MAP4K3: variants seen among roughly 807,000 people sequenced by gnomAD.
MAP4K3 encodes mitogen-activated protein kinase kinase kinase kinase 3, also known as MAPK/ERK kinase kinase kinase 3.
A neutral mutation model predicts 143.5 loss-of-function variants in MAP4K3; 94 were observed. The ratio of observed to expected loss-of-function variants is 0.65; its 90% CI spans 0.55 to 0.78. MAP4K3 has a LOEUF of 0.78. MAP4K3 is among the 30% of genes least tolerant of loss of function. The probability of loss-of-function intolerance (pLI) is 0.00; values close to 1 mark genes in which losing one functional copy is unlikely to be tolerated. For missense variants in MAP4K3, 1,077 were observed against 1,068.1 expected (o/e 1.01, Z -0.12); for synonymous variants, 416 against 347.2 (o/e 1.20, Z -2.20).
At chr2:39,399,502 G>T (rs1395519056) in intron 1 of MAP4K3, among the ~76,000 whole-genome samples, 1 of 152,158 alleles carries the variant, frequency 6.6e-6, no homozygotes, top group East Asian at 1.9e-4. Flanking sequence ...CCATCTTTGA[G>T]GTGACCTGGA....
At chr2:39,327,136 C>T (rs1477653369) in intron 8 of MAP4K3, among the ~76,000 whole-genome samples, 2 of 152,112 alleles carry the variant, frequency 1.3e-5, no homozygotes, top group South Asian at 2.1e-4. Context: ...AAATAATATT[C>T]GTAATAAGCA....
chr2:39,336,036 G>T (rs925190520), intron 6 of MAP4K3, among the ~76,000 whole-genome samples: 3 of 151,956 alleles, frequency 2.0e-5, no homozygotes, highest in African/African-American at 7.2e-5. Context: ...AAAAATAAGT[G>T]AAAGAAAAAA....
chr2:39,332,221 T>A (rs1022185623), intron 7 of MAP4K3, among the ~76,000 whole-genome samples: 7 of 151,870 alleles, frequency 4.6e-5, no homozygotes, highest in Non-Finnish European at 8.8e-5. Flanking sequence ...CCCACATAAA[T>A]CAAATAACAA....
intron 1 of MAP4K3, among the ~76,000 whole-genome samples, chr2:39,389,620 T>C (rs372554876): frequency 1.3e-5 from 2 of 152,140 alleles, no homozygotes; most frequent in East Asian, 1.9e-4. Context: ...AGAAAGACTG[T>C]AGAAAATGCA....
intron 1 of MAP4K3, among the ~76,000 whole-genome samples, chr2:39,432,325 G>A (rs1026628993): frequency 6.6e-6 from 1 of 152,166 alleles, no homozygotes; most frequent in Admixed American, 6.6e-5. Flanking sequence ...ATCAAAGTCA[G>A]AAAACCTGTT....
At position 39,394,969 on chromosome 2, in the gene MAP4K3, T is replaced by A. The variant is rs184084556; in HGVS notation, c.97-16846A>T. Among the ~76,000 whole-genome samples, 27 of 152,290 alleles carry A rather than the reference T, an allele frequency of 1.8e-4. No individual in the cohort carries two copies. The East Asian group carries it at 4.0e-3, about 23-fold the overall frequency. ...TCTTCCAGAAATAGGAAAATCACAA[T>A]GTAACTCTTAACATCTGAAACAAAA... On this transcript the variant is annotated intron_variant, in intron 1 of 33. Transcript: ENST00000263881.
intron 3 of MAP4K3, 36 bp downstream of exon 3, chr2:39,356,213 C>A: frequency 6.3e-6 from 8 of 1,265,802 alleles, no homozygotes; most frequent in Non-Finnish European, 9.0e-6. Context: ...GTGATGAAAT[C>A]ATTATTGCTT....
chr2:39,253,345 G>A (rs541908836), intron 32 of MAP4K3, among the ~76,000 whole-genome samples: 8 of 152,270 alleles, frequency 5.3e-5, no homozygotes, highest in African/African-American at 1.7e-4. Flanking sequence ...TGTTGGCCAG[G>A]CTGGTTTTGA....
intron 1 of MAP4K3, among the ~76,000 whole-genome samples, chr2:39,395,808 C>T (rs1486296803): frequency 6.6e-6 from 1 of 152,100 alleles, no homozygotes; most frequent in African/African-American, 2.4e-5. Context: ...TTCTTTCCAT[C>T]TGTTTAGTTA....
chr2:39,335,950 T>C (rs907619133), intron 6 of MAP4K3, among the ~76,000 whole-genome samples: 9 of 152,052 alleles, frequency 5.9e-5, no homozygotes, highest in Admixed American at 4.6e-4. Context: ...GTTAAAAATC[T>C]TTATGTTAGA....
intron 1 of MAP4K3, among the ~76,000 whole-genome samples, chr2:39,436,350 T>C (rs1572525141): frequency 6.8e-6 from 1 of 147,390 alleles, no homozygotes; most frequent in Non-Finnish European, 1.5e-5. Context: ...CTCTGGAAAA[T>C]TAAAAGAAAC....
chr2:39,333,928 T>C (rs1683768331), intron 6 of MAP4K3, among the ~76,000 whole-genome samples: 1 of 151,816 alleles, frequency 6.6e-6, no homozygotes. Flanking sequence ...ACTGTTTACA[T>C]TACACTTTAA....
chr2:39,388,888 C>A (rs2373532), intron 1 of MAP4K3, among the ~76,000 whole-genome samples: 135,505 of 152,178 alleles, frequency 0.89, 61,071 homozygotes, highest in Non-Finnish European at 0.95. Flanking sequence ...CAGGAAATTA[C>A]CACATAATAT....
chr2:39,372,137 A>G (rs1433900173), intron 2 of MAP4K3, among the ~76,000 whole-genome samples: 3 of 151,830 alleles, frequency 2.0e-5, no homozygotes, highest in African/African-American at 7.2e-5. Flanking sequence ...TTTGTATGCC[A>G]AAAGTGAACA....
At chr2:39,402,934 A>T (rs569126876) in intron 1 of MAP4K3, among the ~76,000 whole-genome samples, 1 of 152,324 alleles carries the variant, frequency 6.6e-6, no homozygotes, top group African/African-American at 2.4e-5. Flanking sequence ...ATTTTATGCC[A>T]TTAAATTTCA....
intron 24 of MAP4K3, among the ~76,000 whole-genome samples, chr2:39,275,229 G>A (rs1681198121): frequency 6.6e-6 from 1 of 152,210 alleles, no homozygotes; most frequent in Non-Finnish European, 1.5e-5. Flanking sequence ...ACTCACACCT[G>A]TAATCCCAGC....
At chr2:39,425,402 C>T (rs1193201021) in intron 1 of MAP4K3, among the ~76,000 whole-genome samples, 4 of 152,192 alleles carry the variant, frequency 2.6e-5, no homozygotes, top group African/African-American at 9.7e-5. Flanking sequence ...ACGGACTGAA[C>T]TGTGTCCCTC....
intron 1 of MAP4K3, among the ~76,000 whole-genome samples, chr2:39,385,382 T>C (rs1012728771): frequency 3.9e-5 from 6 of 151,958 alleles, no homozygotes; most frequent in African/African-American, 1.5e-4. Context: ...TCCTAATAGG[T>C]AGGTAAATGC....
intron 29 of MAP4K3, among the ~76,000 whole-genome samples, chr2:39,259,770 T>C (rs1680491145): frequency 6.6e-6 from 1 of 152,178 alleles, no homozygotes; most frequent in Non-Finnish European, 1.5e-5. Flanking sequence ...ATTTCCCTTT[T>C]GTTTGAAGAA....
Sources: gnomAD v4.1 joint callset for allele counts (sites outside exome capture counted in the v4.1 genomes callset) on GRCh38, gnomAD v4.1.1 for gene constraint, MANE v1.5 for transcripts, NCBI Gene and HGNC (gene_info 2026-07-23, HGNC 2026-07-21) for gene names.